The following PDE9A variants were observed in gnomAD, a reference collection of about 807,000 sequenced individuals.
PDE9A encodes the protein high affinity cGMP-specific 3',5'-cyclic phosphodiesterase 9A.
PDE9A carries 60 observed loss-of-function variants against 87.4 expected under a neutral mutation model. The ratio of observed to expected loss-of-function variants is 0.69; its 90% confidence interval spans 0.56 to 0.85. The LOEUF (loss-of-function observed/expected upper bound fraction) is 0.85, where lower values mean the gene tolerates loss of function less well. Ranked by LOEUF, PDE9A falls within the 40% of genes least tolerant of loss-of-function variation. PDE9A has a pLI of 0.00. For synonymous variants in PDE9A, 272 were observed against 279.4 expected (o/e 0.97, Z 0.27); for missense variants, 665 against 779.0 (o/e 0.85, Z 1.74).
chr21:42,663,495 T>A (rs2057747420), intron 1 of PDE9A, among the ~76,000 whole-genome samples: 1 of 152,162 alleles, frequency 6.6e-6, no homozygotes, highest in African/African-American at 2.4e-5. Context: ...CTCCTATACG[T>A]GCCGGAAGGG....
At chr21:42,742,187 T>C (rs1305044332) in intron 7 of PDE9A, among the ~76,000 whole-genome samples, 1 of 152,134 alleles carries the variant, frequency 6.6e-6, no homozygotes, top group African/African-American at 2.4e-5. Context: ...ACCTTTGCAG[T>C]GGGACTCTGT....
chr21:42,739,546 A>C lies in PDE9A; in HGVS notation c.569-4230A>C, dbSNP rs1265531707. Among the ~76,000 whole-genome samples the C allele has an allele frequency of 6.6e-6, 1 of 152,212 alleles. No individual in the cohort carries two copies. Among genetic ancestry groups the C allele is most frequent in the Admixed American group, 6.5e-5 (1 of 15,286 alleles). On this transcript the variant is annotated intron_variant, in intron 7 of 19. Coordinates refer to ENST00000291539, the MANE Select transcript of PDE9A (RefSeq NM_002606.3). This position sits in a 1 kb window ranked among gnomAD's most constrained non-coding sequence, Gnocchi z 4.1. ...TTGCTTTCTCTTCATTGAGGAATGC[A>C]CTTTTGCAATGTTGTTACTCACTAT...
intron 10 of PDE9A, 47 bp downstream of exon 10, chr21:42,754,111 A>C: frequency 8.0e-7 from 1 of 1,250,372 alleles, no homozygotes; most frequent in Non-Finnish European, 1.2e-6. Flanking sequence ...GAGGCAGCTC[A>C]GGATCTTGGA....
chr21:42,708,442 TCCTAGGCATTTGTGAGAA>T (rs1466569713), intron 4 of PDE9A, among the ~76,000 whole-genome samples: 1 of 152,196 alleles, frequency 6.6e-6, no homozygotes, highest in African/African-American at 2.4e-5. Context: ...CCCTCCCTGC[TCCTAGGCATTTGTGAGAA>T]CCAGGCCAAC....
intron 14 of PDE9A, among the ~76,000 whole-genome samples, chr21:42,763,944 C>T (rs572038914): frequency 1.4e-4 from 21 of 152,312 alleles, no homozygotes; most frequent in Middle Eastern, 3.4e-3. Flanking sequence ...CTCCCTGGGA[C>T]GGGGCCCTGA....
At chr21:42,738,161 T>C (rs1175498988) in intron 7 of PDE9A, among the ~76,000 whole-genome samples, 1 of 152,222 alleles carries the variant, frequency 6.6e-6, no homozygotes, top group African/African-American at 2.4e-5. Context: ...CCCTGTGCTC[T>C]GGGCTTGGAC....
In PDE9A at chr21:42,707,875, C is replaced by T. The variant is rs1017339727; in HGVS notation, c.262+8864C>T. 1.7e-4 allele frequency among the ~76,000 whole-genome samples: 26 copies of T among 152,164 alleles called. 1 individual carries two copies. Among genetic ancestry groups the T allele is most frequent in the Admixed American group, 1.6e-3 (24 of 15,278 alleles). On this transcript the variant is annotated intron_variant, in intron 4 of 19. Coordinates refer to ENST00000291539, the MANE Select transcript of PDE9A (RefSeq NM_002606.3). ...AGCACAGTGCCTGCCACTTGGTAAG[C>T]GCCCAGTAAATGGTTGTTATCATTG...
At chr21:42,677,544 CT>C (rs1266087974) in intron 1 of PDE9A, among the ~76,000 whole-genome samples, 1 of 152,216 alleles carries the variant, frequency 6.6e-6, no homozygotes, top group African/African-American at 2.4e-5. Flanking sequence ...GACCCAGCCC[CT>C]AAGTGCTTCA....
chr21:42,680,891 G>A (rs2059134219), intron 1 of PDE9A, among the ~76,000 whole-genome samples: 1 of 152,230 alleles, frequency 6.6e-6, no homozygotes, highest in South Asian at 2.1e-4. Context: ...GCGCACTCGA[G>A]TTCCTGCTGA....
intron 4 of PDE9A, among the ~76,000 whole-genome samples, chr21:42,711,024 A>T (rs1457503384): frequency 6.6e-6 from 1 of 152,208 alleles, no homozygotes; most frequent in Non-Finnish European, 1.5e-5. Flanking sequence ...CTCATTTTTT[A>T]AGCTGGCTTG....
intron 1 of PDE9A, among the ~76,000 whole-genome samples, chr21:42,683,401 G>A (rs1214885910): frequency 1.3e-5 from 2 of 152,348 alleles, no homozygotes; most frequent in African/African-American, 4.8e-5. Context: ...CCTCCAGCCT[G>A]GTGCAGAACC....
At chr21:42,731,583 A>C (rs2051753752) in intron 4 of PDE9A, among the ~76,000 whole-genome samples, 187 bp from the exon 5 acceptor site, 2 of 152,186 alleles carry the variant, frequency 1.3e-5, no homozygotes, top group Non-Finnish European at 2.9e-5. Flanking sequence ...AGGCCAGGCA[A>C]CAAAGGGAGC....
chr21:42,724,596 C>T (rs1391458891), intron 4 of PDE9A: 12 of 985,240 alleles, frequency 1.2e-5, no homozygotes, highest in Admixed American at 6.1e-5. Flanking sequence ...GAGGCGGTTC[C>T]GTGAGCCCAC....
At chr21:42,754,457 A>G (rs2054808262) in intron 10 of PDE9A, among the ~76,000 whole-genome samples, 1 of 152,248 alleles carries the variant, frequency 6.6e-6, no homozygotes, top group Non-Finnish European at 1.5e-5. Flanking sequence ...GGCTGCGGTC[A>G]GAGTGCTCTG....
rs914726299 is a variant in PDE9A, at chr21:42,739,395, G to C, written c.569-4381G>C. On this transcript the variant is annotated intron_variant, in intron 7 of 19. Transcript: ENST00000291539. The surrounding 1 kb of genome is among the most constrained non-coding windows in gnomAD (Gnocchi z 4.1). Reference sequence around the variant, plus strand: ...GTGGAATCTTCCCCAAAGCAGCCGGGTGTCCTGGAAAGGCCAGGGAGTGAG... The same window carrying C: ...GTGGAATCTTCCCCAAAGCAGCCGGCTGTCCTGGAAAGGCCAGGGAGTGAG... 6.6e-6 allele frequency among the ~76,000 whole-genome samples: 1 copy of C among 152,172 alleles called. No individual in the cohort carries two copies. Among genetic ancestry groups the C allele is most frequent in the Non-Finnish European group, 1.5e-5 (1 of 68,020 alleles).
intron 1 of PDE9A, among the ~76,000 whole-genome samples, chr21:42,657,088 C>T (rs1289089624): frequency 6.6e-6 from 1 of 152,254 alleles, no homozygotes; most frequent in Non-Finnish European, 1.5e-5. Flanking sequence ...GCCTGATGAA[C>T]AGGTTTTTTT....
chr21:42,768,468 T>C, intron 16 of PDE9A, 176 bp downstream of exon 16: 1 of 1,150,054 alleles, frequency 8.7e-7, no homozygotes, highest in East Asian at 2.7e-5. Flanking sequence ...AGGTTATAAT[T>C]TGAGACCTGA....
intron 10 of PDE9A, 133 bp downstream of exon 10, chr21:42,754,197 A>AG (rs397721783): frequency 9.8e-6 from 6 of 609,448 alleles, no homozygotes; most frequent in African/African-American, 1.9e-5. Context: ...AAAAAAAAAA[A>AG]CAAAACTTGT....
At chr21:42,669,086 C>T (rs1206502187) in intron 1 of PDE9A, among the ~76,000 whole-genome samples, 1 of 152,130 alleles carries the variant, frequency 6.6e-6, no homozygotes, top group Non-Finnish European at 1.5e-5. Context: ...AAGATTCCAC[C>T]CCTCTTAGAA....
Sources: gnomAD v4.1 joint callset for allele counts (sites outside exome capture counted in the v4.1 genomes callset) on GRCh38, gnomAD v4.1.1 for gene constraint, Gnocchi (gnomAD v3.1) non-coding constraint, MANE v1.5 for transcripts, NCBI Gene and HGNC (gene_info 2026-07-23, HGNC 2026-07-21) for gene names.